Variants in OSBPL3 observed in about 807,000 individuals in gnomAD.
OSBPL3 encodes oxysterol binding protein like 3, also known as oxysterol-binding protein-related protein 3.
A neutral mutation model predicts 120.1 loss-of-function variants in OSBPL3; 65 were observed. The ratio of observed to expected loss-of-function variants is 0.54; its 90% CI spans 0.44 to 0.67. The LOEUF (loss-of-function observed/expected upper bound fraction) is 0.67. Among genes scored for constraint, OSBPL3 ranks in the 30% least tolerant of loss-of-function variants. OSBPL3 has a pLI of 0.00. For missense variants in OSBPL3, 1,004 were observed against 1,082.1 expected (o/e 0.93, Z 1.01); for synonymous variants, 416 against 402.6 (o/e 1.03, Z -0.40).
rs114070698 is a variant in OSBPL3, at chr7:24,943,870, C to T, written c.-150+36016G>A. Among the ~76,000 whole-genome samples the T allele has an allele frequency of 3.5e-3, 529 of 152,146 alleles. 2 individuals are homozygous for T. Among genetic ancestry groups the T allele is most frequent in the African/African-American group, 0.012 (495 of 41,512 alleles). On this transcript the variant is annotated intron_variant, in intron 1 of 22. Coordinates refer to ENST00000313367, the MANE Select transcript of OSBPL3 (RefSeq NM_015550.4). ...GTCCATTTTGAATCTTGATATTTATCATTGTACTCCACCAGATAAGTCAAT... is the reference window on the plus strand; with the variant it reads ...GTCCATTTTGAATCTTGATATTTATTATTGTACTCCACCAGATAAGTCAAT...
rs1812946644 is a variant in OSBPL3 at position 24,940,438 on chromosome 7, G to C, written c.-150+39448C>G. ...AGGTACACCAGGGGAGAAGTAAAGAGTGTGGAAGAGTAAAGACCAGACAGG... is the reference window on the plus strand; with the variant it reads ...AGGTACACCAGGGGAGAAGTAAAGACTGTGGAAGAGTAAAGACCAGACAGG... On this transcript the variant is annotated intron_variant, in intron 1 of 22. Coordinates refer to ENST00000313367, the MANE Select transcript of OSBPL3 (RefSeq NM_015550.4). This position sits in a 1 kb window ranked among gnomAD's most constrained non-coding sequence, Gnocchi z 4.4. Among the ~76,000 whole-genome samples, 1 of 152,184 alleles carries C rather than the reference G, an allele frequency of 6.6e-6. No individual in the cohort carries two copies. Among genetic ancestry groups the C allele is most frequent in the Admixed American group, 6.5e-5 (1 of 15,284 alleles).
chr7:24,832,606 T>C (rs1440373168), intron 15 of OSBPL3, among the ~76,000 whole-genome samples: 1 of 152,134 alleles, frequency 6.6e-6, no homozygotes, highest in Non-Finnish European at 1.5e-5. Context: ...TGGGTGTCTG[T>C]TCCTCTTCCT....
At position 24,918,777 on chromosome 7, in the gene OSBPL3, C is replaced by A. The variant is rs1475524757; in HGVS notation, c.-149-26156G>T. 2.0e-5 allele frequency among the ~76,000 whole-genome samples: 3 copies of A among 152,006 alleles called. No homozygotes were observed. Among genetic ancestry groups the A allele is most frequent in the Admixed American group, 6.6e-5 (1 of 15,248 alleles). ...TCAGTAATTCCAATTCCTATGATGA[C>A]CCTGGAGAAAATACTTTCTAAATGG... On this transcript the variant is annotated intron_variant, in intron 1 of 22. Transcript: ENST00000313367. The surrounding 1 kb of genome is among the most constrained non-coding windows in gnomAD (Gnocchi z 4.3).
rs1395741427 is a variant in OSBPL3 at position 24,797,221 on chromosome 7, G to T, written c.*2962C>A. On this transcript the variant is annotated 3_prime_UTR_variant, in exon 23 of 23. Coordinates refer to ENST00000313367, the MANE Select transcript of OSBPL3 (RefSeq NM_015550.4). The surrounding 1 kb of genome is among the most constrained non-coding windows in gnomAD (Gnocchi z 4.8). The stretch of plus-strand genomic sequence containing the variant: ...ATCTGGAAGATGCAGATGGAAGACA[G>T]TGCTTGAAGCCCAAACAAATGATTT... 6.6e-6 allele frequency: 1 copy of T among 152,210 alleles called. No individual in the cohort carries two copies. The highest frequency in any genetic ancestry group is 2.4e-5 in the African/African-American group (1 of 41,450). 9.4% of individuals were successfully genotyped at this position (152,210 alleles called of 1,614,324 possible). A position where few individuals can be genotyped will look rare whatever the true frequency, so the allele number is the denominator to read the frequency against.
intron 10 of OSBPL3, among the ~76,000 whole-genome samples, chr7:24,861,043 C>A (rs553628885): frequency 6.6e-6 from 1 of 152,308 alleles, no homozygotes; most frequent in African/African-American, 2.4e-5. Flanking sequence ...TAGCTACAAG[C>A]AATGTATGAC....
chr7:24,861,156 C>G (rs998136270), intron 10 of OSBPL3, among the ~76,000 whole-genome samples: 1 of 152,188 alleles, frequency 6.6e-6, no homozygotes, highest in African/African-American at 2.4e-5. Flanking sequence ...TGGCTTTAAT[C>G]TGCATTTTCC....
intron 1 of OSBPL3, among the ~76,000 whole-genome samples, chr7:24,928,408 G>C (rs540296460): frequency 1.3e-5 from 2 of 152,062 alleles, no homozygotes; most frequent in South Asian, 2.1e-4. Flanking sequence ...AGCCAGGATG[G>C]TCTCGATCTC....
At chr7:24,973,577 C>T (rs1456663554) in intron 1 of OSBPL3, among the ~76,000 whole-genome samples, 1 of 152,180 alleles carries the variant, frequency 6.6e-6, no homozygotes, top group Non-Finnish European at 1.5e-5. Flanking sequence ...GGAAATATAT[C>T]ACCAACTTCA....
At chr7:24,886,422 TG>T (rs1288359240) in intron 2 of OSBPL3, among the ~76,000 whole-genome samples, 1 of 152,194 alleles carries the variant, frequency 6.6e-6, no homozygotes, top group East Asian at 1.9e-4. Context: ...ATAAAATCAA[TG>T]GGGAAGCCCT....
At position 24,830,706 on chromosome 7, in the gene OSBPL3, A is replaced by C; in HGVS notation, c.1884+62T>G. The C allele has an allele frequency of 6.9e-7, 1 of 1,448,076 alleles. No individual in the cohort carries two copies. The highest frequency in any genetic ancestry group is 9.4e-7 in the Non-Finnish European group (1 of 1,064,832). 89.7% of individuals were successfully genotyped at this position (1,448,076 alleles called of 1,614,324 possible). On this transcript the variant is annotated intron_variant, in intron 16 of 22. Coordinates refer to ENST00000313367, the MANE Select transcript of OSBPL3 (RefSeq NM_015550.4). The surrounding 1 kb of genome is among the most constrained non-coding windows in gnomAD (Gnocchi z 4.4). ...AAAGGTGGAAGATAAATATTTCAGA[A>C]GCACATTTAATGGGAGACATAAGCA...
chr7:24,945,457 C>CT, intron 1 of OSBPL3, among the ~76,000 whole-genome samples: 1 of 152,298 alleles, frequency 6.6e-6, no homozygotes, highest in South Asian at 2.1e-4. Context: ...TATCTTAAAG[C>CT]TTAACATCTC....
chr7:24,941,227 A>G (rs1813071296), intron 1 of OSBPL3, among the ~76,000 whole-genome samples: 1 of 152,206 alleles, frequency 6.6e-6, no homozygotes, highest in Admixed American at 6.5e-5. Context: ...GGAAAATCCT[A>G]AAAATTCCAG....
Position 24,966,453 on chromosome 7 carries a change from C to G in OSBPL3, c.-150+13433G>C, listed in dbSNP as rs140263221. ...TAATCAAGGAACAAATGATGCAGAA[C>G]TCAAAGTAACAAACAAGCTGGAATG... is the stretch of plus-strand genomic sequence containing the variant. On this transcript the variant is annotated intron_variant, in intron 1 of 22. Transcript: ENST00000313367. This position sits in a 1 kb window ranked among gnomAD's most constrained non-coding sequence, Gnocchi z 4.8. Among the ~76,000 whole-genome samples, 1 of 152,310 alleles carries G rather than the reference C, an allele frequency of 6.6e-6. No individual in the cohort carries two copies. The highest frequency in any genetic ancestry group is 1.9e-4 in the East Asian group (1 of 5,180).
Position 24,872,404 on chromosome 7 carries a change from G to A in OSBPL3, c.97-335C>T, listed in dbSNP as rs17150384. ...AGTTTGACATTACCATGCAATTACT[G>A]TTCGTTCAGCACTAGACTTCAGTCT... On this transcript the variant is annotated intron_variant, in intron 2 of 22. Transcript: ENST00000313367. This position sits in a 1 kb window ranked among gnomAD's most constrained non-coding sequence, Gnocchi z 4.1. Among the ~76,000 whole-genome samples, 1,397 of 150,710 alleles carry A rather than the reference G, an allele frequency of 9.3e-3. 27 individuals carry two copies. Among genetic ancestry groups the A allele is most frequent in the African/African-American group, 0.033 (1,345 of 40,934 alleles).
Position 24,863,606 on chromosome 7 carries a change from G to A in OSBPL3, c.674-7C>T, listed in dbSNP as rs368409995. 1.8e-5 allele frequency: 28 copies of A among 1,587,402 alleles called. No individual in the cohort carries two copies. The highest frequency in any genetic ancestry group is 1.4e-4 in the South Asian group (13 of 90,588). On this transcript the variant is annotated splice_region_variant and splice_polypyrimidine_tract_variant and intron_variant, in intron 7 of 22. Coordinates refer to ENST00000313367, the MANE Select transcript of OSBPL3 (RefSeq NM_015550.4). This position sits in a 1 kb window ranked among gnomAD's most constrained non-coding sequence, Gnocchi z 5.8. ...GCATGACAGTGCGCCAGGTCTGTGG[G>A]GGAAAAGAGGACAGTGCTCACAATG...
chr7:24,871,908 G>C lies in OSBPL3; in HGVS notation c.213+45C>G. On this transcript the variant is annotated intron_variant, in intron 3 of 22. Transcript: ENST00000313367. This position sits in a 1 kb window ranked among gnomAD's most constrained non-coding sequence, Gnocchi z 4.8. Reference sequence around the variant, plus strand: ...GTACCTAAGAACCAGGTGCTGAGTGGGGCAGTGTGAGTGCAAATAAAGGGG... The same window carrying C: ...GTACCTAAGAACCAGGTGCTGAGTGCGGCAGTGTGAGTGCAAATAAAGGGG... The C allele has an allele frequency of 1.4e-6, 2 of 1,468,720 alleles. No individual in the cohort carries two copies. The highest frequency in any genetic ancestry group is 1.9e-6 in the Non-Finnish European group (2 of 1,047,342). The allele number at this position is 1,468,720 out of a possible 1,614,324, so 91.0% of individuals were successfully genotyped here.
intron 10 of OSBPL3, among the ~76,000 whole-genome samples, chr7:24,856,964 G>A (rs1290551831): frequency 6.6e-6 from 1 of 152,156 alleles, no homozygotes; most frequent in Non-Finnish European, 1.5e-5. Flanking sequence ...TCCTACTTAT[G>A]AATCTAATTG....
intron 2 of OSBPL3, among the ~76,000 whole-genome samples, chr7:24,876,747 A>G (rs1330429955): frequency 6.6e-6 from 1 of 152,240 alleles, no homozygotes; most frequent in Non-Finnish European, 1.5e-5. Flanking sequence ...GGCTGAAATA[A>G]TACATAAACC....
At chr7:24,857,688 A>G (rs1187806454) in intron 10 of OSBPL3, among the ~76,000 whole-genome samples, 1 of 152,238 alleles carries the variant, frequency 6.6e-6, no homozygotes, top group Non-Finnish European at 1.5e-5. Flanking sequence ...TTTTTAAAGT[A>G]TGTTTCTCAG....
Sources: allele counts gnomAD v4.1 joint callset (sites outside exome capture counted in the v4.1 genomes callset), GRCh38; gene constraint gnomAD v4.1.1; non-coding constraint Gnocchi (gnomAD v3.1); transcripts MANE v1.5; gene names NCBI Gene and HGNC (gene_info 2026-07-23, HGNC 2026-07-21).